SEMA6A: variants seen among roughly 807,000 people sequenced by gnomAD.
The protein encoded by SEMA6A is semaphorin 6A, also known as semaphorin-6A.
SEMA6A carries 25 observed loss-of-function variants against 96.8 expected under a neutral mutation model. The ratio of observed to expected loss-of-function variants is 0.26; its 90% CI spans 0.19 to 0.36. The LOEUF (loss-of-function observed/expected upper bound fraction) is 0.36. Among genes scored for constraint, SEMA6A ranks in the 10% least tolerant of loss-of-function variants. The pLI, the probability that SEMA6A is intolerant of heterozygous loss-of-function variation, is 1.00. For missense variants in SEMA6A, 1,363 were observed against 1,323.1 expected (o/e 1.03, Z -0.47); for synonymous variants, 612 against 518.0 (o/e 1.18, Z -2.46).
At chr5:116,478,766 A>T in intron 12 of SEMA6A, 48 bp from the exon 13 acceptor site, 1 of 1,578,766 alleles carries the variant, frequency 6.3e-7, no homozygotes, top group Non-Finnish European at 8.6e-7. Flanking sequence ...GTCTATCATT[A>T]AAGTGTTCCC....
chr5:116,518,059 C>T (rs1758750399), intron 1 of SEMA6A, among the ~76,000 whole-genome samples: 1 of 152,174 alleles, frequency 6.6e-6, no homozygotes, highest in South Asian at 2.1e-4. Flanking sequence ...TTTCAAATAT[C>T]TGTAATTTTC....
intron 1 of SEMA6A, among the ~76,000 whole-genome samples, chr5:116,555,951 A>G (rs1050990016): frequency 2.0e-5 from 3 of 152,196 alleles, no homozygotes; most frequent in African/African-American, 7.2e-5. Context: ...CCTACAATCT[A>G]AACACTGCAT....
At chr5:116,507,571 T>A (rs1475004079) in intron 1 of SEMA6A, among the ~76,000 whole-genome samples, 1 of 152,164 alleles carries the variant, frequency 6.6e-6, no homozygotes, top group African/African-American at 2.4e-5. Flanking sequence ...AAGAGGCTGT[T>A]TAAGTCACTT....
intron 6 of SEMA6A, 70 bp downstream of exon 6, chr5:116,495,343 G>A (rs1261724076): frequency 2.7e-6 from 3 of 1,126,720 alleles, no homozygotes; most frequent in African/African-American, 1.5e-5. Context: ...TTAGGTTGCT[G>A]CAGGTACAAT....
intron 1 of SEMA6A, among the ~76,000 whole-genome samples, chr5:116,541,659 C>T (rs1213292362): frequency 6.6e-6 from 1 of 152,108 alleles, no homozygotes; most frequent in African/African-American, 2.4e-5. Context: ...ATGGCGCAAC[C>T]CCATCTCTAC....
intron 1 of SEMA6A, among the ~76,000 whole-genome samples, chr5:116,516,739 G>C (rs991714093): frequency 6.6e-6 from 1 of 152,080 alleles, no homozygotes; most frequent in Non-Finnish European, 1.5e-5. Context: ...CTTATCTTTG[G>C]AATTAATAAT....
chr5:116,515,834 T>C (rs1327046318), intron 1 of SEMA6A, among the ~76,000 whole-genome samples: 1 of 152,190 alleles, frequency 6.6e-6, no homozygotes, highest in Non-Finnish European at 1.5e-5. Context: ...ACTTCAAACC[T>C]GGCTCCTACA....
intron 1 of SEMA6A, among the ~76,000 whole-genome samples, chr5:116,548,637 C>T (rs1281633392): frequency 1.3e-5 from 2 of 152,148 alleles, no homozygotes; most frequent in Admixed American, 6.6e-5. Context: ...CCAAAAATCC[C>T]CTTTCCAATG....
intron 12 of SEMA6A, among the ~76,000 whole-genome samples, chr5:116,479,611 A>C (rs1756647992): frequency 6.6e-6 from 1 of 152,170 alleles, no homozygotes; most frequent in Admixed American, 6.5e-5. Context: ...TTTTAATACT[A>C]CCACAGATCT....
Position 116,475,560 on chromosome 5 carries a change from G to T in SEMA6A, c.1693C>A (p.Leu565Met). The T allele has an allele frequency of 6.2e-7, 1 of 1,603,054 alleles. No individual in the cohort carries two copies. Among genetic ancestry groups the T allele is most frequent in the Non-Finnish European group, 8.5e-7 (1 of 1,174,578 alleles). ...QDIERGNTDG[L>M]GDCHNSFVAL... ...CTGTACTTACTGTGACAGTCCCCCA[G>T]ACCATCTGTATTGCCACGCTCTATG... Residue 565 changes from leucine to methionine, a missense_variant, in exon 16 of 19, where the codon CTG becomes ATG. Leu to Met is a conservative substitution (Grantham distance 15). Coordinates refer to ENST00000343348, the MANE Select transcript of SEMA6A (RefSeq NM_020796.5).
At chr5:116,538,352 T>C (rs1295677105) in intron 1 of SEMA6A, among the ~76,000 whole-genome samples, 1 of 152,156 alleles carries the variant, frequency 6.6e-6, no homozygotes, top group Admixed American at 6.6e-5. Flanking sequence ...CTCAAAACAA[T>C]TTATTGCTGA....
At chr5:116,495,566 G>A (rs1254015292) in intron 5 of SEMA6A, 52 bp from the exon 6 acceptor site, 2 of 1,290,788 alleles carry the variant, frequency 1.5e-6, no homozygotes, top group African/African-American at 2.9e-5. Context: ...TACAGAAACT[G>A]ATTCTTCACT....
intron 1 of SEMA6A, among the ~76,000 whole-genome samples, chr5:116,544,413 C>A (rs1157986126): frequency 6.6e-6 from 1 of 152,134 alleles, no homozygotes; most frequent in Middle Eastern, 3.4e-3. Context: ...ACCTCAGCCT[C>A]CCGAGTAGCT....
At chr5:116,563,469 C>A (rs1196207016) in intron 1 of SEMA6A, among the ~76,000 whole-genome samples, 1 of 152,152 alleles carries the variant, frequency 6.6e-6, no homozygotes, top group Non-Finnish European at 1.5e-5. Context: ...ACAAAGGAAG[C>A]AAGTTCATGT....
rs115251207 is a variant in SEMA6A at position 116,568,310 on chromosome 5, A to G, written c.-39+5875T>C. ...ATAGGTTTACTATTTATAATTTTCA[A>G]TTAAAATAATGCAGCCACAGAGAAG... On this transcript the variant is annotated intron_variant, in intron 1 of 18. Transcript: ENST00000343348. Among the ~76,000 whole-genome samples, 435 of 152,312 alleles carry G rather than the reference A, an allele frequency of 2.9e-3. 4 individuals are homozygous for G. The highest frequency in any genetic ancestry group is 9.6e-3 in the African/African-American group (397 of 41,560).
intron 10 of SEMA6A, among the ~76,000 whole-genome samples, chr5:116,484,066 G>GAAAAAAAAAAAAAAAAA (rs542325007): frequency 1.0e-5 from 1 of 99,926 alleles, no homozygotes; most frequent in African/African-American, 3.5e-5. Context: ...TCTGTCTGAA[G>GAAAAAAAAAAAAAAAAA]AAAAAAAAAA....
intron 3 of SEMA6A, chr5:116,498,959 T>C (rs1228592645): frequency 6.6e-6 from 1 of 152,200 alleles, no homozygotes; most frequent in Non-Finnish European, 1.5e-5. Context: ...CTGTTTATGT[T>C]AATTAGCAGT....
At chr5:116,565,262 AT>A (rs1282872046) in intron 1 of SEMA6A, among the ~76,000 whole-genome samples, 1 of 152,200 alleles carries the variant, frequency 6.6e-6, no homozygotes, top group African/African-American at 2.4e-5. Context: ...CCAACACTGA[AT>A]TATACGAGAA....
At chr5:116,504,539 A>G (rs1203361175) in intron 2 of SEMA6A, among the ~76,000 whole-genome samples, 1 of 152,238 alleles carries the variant, frequency 6.6e-6, no homozygotes, top group Non-Finnish European at 1.5e-5. Flanking sequence ...CCCAGATCAT[A>G]GCGATATTCT....
Sources: allele counts gnomAD v4.1 joint callset (sites outside exome capture counted in the v4.1 genomes callset), GRCh38; gene constraint gnomAD v4.1.1; transcripts MANE v1.5; gene names NCBI Gene and HGNC (gene_info 2026-07-23, HGNC 2026-07-21).